Variants in RALA observed in about 807,000 individuals in gnomAD.
RALA encodes the protein ras-related protein Ral-A.
In RALA, 5 loss-of-function variants were observed where a neutral mutation model predicts 24.0. The observed-to-expected ratio is 0.21, with a 90% CI of 0.11 to 0.44. The LOEUF (loss-of-function observed/expected upper bound fraction) is 0.44, where lower values mean the gene tolerates loss of function less well. Ranked by LOEUF, RALA falls within the 20% of genes least tolerant of loss-of-function variation. The pLI, the probability that RALA is intolerant of heterozygous loss-of-function variation, is 0.99. For synonymous variants in RALA, 77 were observed against 83.8 expected, an observed-to-expected ratio of 0.92 and a Z score of 0.44; for missense variants, 95 against 241.2, an observed-to-expected ratio of 0.39 and a Z score of 4.01.
At chr7:39,662,600 C>T (rs1336762887) in intron 1 of RALA, among the ~76,000 whole-genome samples, 2 of 152,150 alleles carry the variant, frequency 1.3e-5, no homozygotes, top group East Asian at 1.9e-4. Context: ...CACCTTTACT[C>T]CAATTCCCAA....
chr7:39,683,295 C>G (rs1308414023), intron 1 of RALA, among the ~76,000 whole-genome samples: 1 of 152,200 alleles, frequency 6.6e-6, no homozygotes, highest in African/African-American at 2.4e-5. Flanking sequence ...CACTCCCACC[C>G]TCTTCTAAGT....
intron 1 of RALA, among the ~76,000 whole-genome samples, chr7:39,661,070 G>T (rs1022857560): frequency 1.3e-5 from 2 of 152,126 alleles, no homozygotes; most frequent in East Asian, 3.9e-4. Context: ...TGAGAGAGCC[G>T]AGCTAAAAGG....
At position 39,677,976 on chromosome 7, in the gene RALA, C is replaced by T. The variant is rs539170122; in HGVS notation, c.-37-8655C>T. On this transcript the variant is annotated intron_variant, in intron 1 of 4. Transcript: ENST00000005257. ...AGCCCTTTGTCAGATGAGTAGGTTG[C>T]GAAAATTTTCTCCCAATGAGATCAC... Among the ~76,000 whole-genome samples, 672 of 144,396 alleles carry T rather than the reference C, an allele frequency of 4.7e-3. 7 individuals carry two copies. The highest frequency in any genetic ancestry group is 0.016 in the African/African-American group (627 of 38,632). 94.7% of individuals were successfully genotyped at this position (144,396 alleles called of 152,430 possible).
intron 1 of RALA, among the ~76,000 whole-genome samples, chr7:39,643,490 G>A (rs1347202985): frequency 6.6e-6 from 1 of 152,216 alleles, no homozygotes; most frequent in Admixed American, 6.5e-5. Flanking sequence ...AGAGGCTGAG[G>A]CAGGCGGATC....
chr7:39,645,146 GTTCAGAACTGA>G (rs1193475771), intron 1 of RALA, among the ~76,000 whole-genome samples: 1 of 152,094 alleles, frequency 6.6e-6, no homozygotes, highest in African/African-American at 2.4e-5. Context: ...CATCATCCAG[GTTCAGAACTGA>G]GTACTCATTT....
At chr7:39,655,793 C>T (rs1285399663) in intron 1 of RALA, among the ~76,000 whole-genome samples, 1 of 152,006 alleles carries the variant, frequency 6.6e-6, no homozygotes, top group East Asian at 1.9e-4. Context: ...TATAATTTAA[C>T]CCAAACTTCC....
At position 39,690,638 on chromosome 7, in the gene RALA, T is replaced by G. The variant is rs766154958; in HGVS notation, c.323+48T>G. 44 of 1,424,872 alleles carry G rather than the reference T, an allele frequency of 3.1e-5. No homozygotes were observed. The East Asian group carries it at 1.0e-3, about 33-fold the overall frequency. 88.3% of individuals were successfully genotyped at this position (1,424,872 alleles called of 1,614,324 possible). Reference sequence around the variant, plus strand: ...TGCTTGTGACATACTATACAACAATTTCTTCCCCAGAAACAAGTAGACAAC... The same window carrying G: ...TGCTTGTGACATACTATACAACAATGTCTTCCCCAGAAACAAGTAGACAAC... On this transcript the variant is annotated intron_variant, in intron 3 of 4. Transcript: ENST00000005257.
chr7:39,639,437 C>G (rs1338774694), intron 1 of RALA, among the ~76,000 whole-genome samples: 1 of 152,236 alleles, frequency 6.6e-6, no homozygotes, highest in African/African-American at 2.4e-5. Flanking sequence ...CGCACGTAGT[C>G]CCAGCTCCAT....
chr7:39,703,996 T>C (rs1045676014), intron 4 of RALA, among the ~76,000 whole-genome samples: 4 of 151,724 alleles, frequency 2.6e-5, no homozygotes, highest in African/African-American at 9.7e-5. Flanking sequence ...CAAAACCCCG[T>C]CTCTACTAAA....
chr7:39,695,611 C>G (rs1044995864), intron 3 of RALA, among the ~76,000 whole-genome samples: 2 of 152,036 alleles, frequency 1.3e-5, no homozygotes, highest in African/African-American at 4.8e-5. Context: ...ACTGTGTTGC[C>G]TGGGCTGGTA....
intron 3 of RALA, among the ~76,000 whole-genome samples, chr7:39,695,551 A>G (rs970969933): frequency 6.6e-6 from 1 of 151,726 alleles, no homozygotes; most frequent in Non-Finnish European, 1.5e-5. Flanking sequence ...GGTGCACACT[A>G]CTACACCCAG....
rs1793128979 is a variant in RALA, at chr7:39,706,880, C to T, written c.*635C>T. On this transcript the variant is annotated 3_prime_UTR_variant, in exon 5 of 5. Coordinates refer to ENST00000005257, the MANE Select transcript of RALA (RefSeq NM_005402.4). ...CTGAAAAATATCTGGTTATATCATT[C>T]TGGGTGTGTTCTTACTGACACCAGG... is the stretch of plus-strand genomic sequence containing the variant. 6.6e-6 allele frequency: 1 copy of T among 152,646 alleles called. No homozygotes were observed. The highest frequency in any genetic ancestry group is 2.1e-4 in the South Asian group (1 of 4,814). The allele number at this position is 152,646 out of a possible 1,614,324, so 9.5% of individuals were successfully genotyped here.
chr7:39,692,602 A>G (rs1792841170), intron 3 of RALA, among the ~76,000 whole-genome samples: 1 of 152,156 alleles, frequency 6.6e-6, no homozygotes, highest in South Asian at 2.1e-4. Context: ...TAGTAAAACC[A>G]ATCTATTAAC....
chr7:39,706,043 A>T (rs1409475439), intron 4 of RALA, 80 bp from the exon 5 acceptor site: 3 of 1,304,530 alleles, frequency 2.3e-6, no homozygotes, highest in African/African-American at 1.5e-5. Context: ...TGTTACCCCC[A>T]AAGTTTACTG....
chr7:39,705,639 TAAAG>T (rs1793108673), intron 4 of RALA, among the ~76,000 whole-genome samples: 1 of 152,070 alleles, frequency 6.6e-6, no homozygotes, highest in Admixed American at 6.6e-5. Flanking sequence ...ATCAAGATGA[TAAAG>T]CATACACCCA....
chr7:39,691,728 C>G (rs80355634), intron 3 of RALA, among the ~76,000 whole-genome samples: 1 of 152,084 alleles, frequency 6.6e-6, no homozygotes, highest in African/African-American at 2.4e-5. Context: ...TAGATTTATT[C>G]ATAAAGTTTG....
At chr7:39,700,517 CAA>C (rs1793008577) in intron 4 of RALA, 2 of 152,360 alleles carry the variant, frequency 1.3e-5, no homozygotes, top group East Asian at 3.9e-4. Flanking sequence ...GCAAGTGTCA[CAA>C]GAGAAAAAGA....
chr7:39,654,391 G>A (rs1250242983), intron 1 of RALA, among the ~76,000 whole-genome samples: 1 of 152,120 alleles, frequency 6.6e-6, no homozygotes, highest in African/African-American at 2.4e-5. Context: ...AGTTTTTACA[G>A]TAATAAGTAA....
intron 2 of RALA, among the ~76,000 whole-genome samples, chr7:39,688,904 T>C (rs866127146): frequency 1.5e-4 from 23 of 152,134 alleles, no homozygotes; most frequent in African/African-American, 5.3e-4. Context: ...AGACCTGCAA[T>C]TGTGGCAGAG....
Sources: allele counts gnomAD v4.1 joint callset (sites outside exome capture counted in the v4.1 genomes callset), GRCh38; gene constraint gnomAD v4.1.1; transcripts MANE v1.5; gene names NCBI Gene and HGNC (gene_info 2026-07-23, HGNC 2026-07-21).